The following ZNF385C variants were observed in gnomAD, a reference collection of about 807,000 sequenced individuals.
ZNF385C encodes CTD-2132N18.2.
In ZNF385C, 28 loss-of-function variants were observed where a neutral mutation model predicts 35.4. The ratio of observed to expected loss-of-function variants is 0.79; its 90% confidence interval spans 0.59 to 1.08. The LOEUF is 1.08. Among genes scored for constraint, ZNF385C ranks in the 50% least tolerant of loss-of-function variants. The pLI, the probability that ZNF385C is intolerant of heterozygous loss-of-function variation, is 0.00. For synonymous variants in ZNF385C, 248 were observed against 248.2 expected (o/e 1.00, Z 0.01); for missense variants, 605 against 595.6 (o/e 1.02, Z -0.16).
intron 2 of ZNF385C, among the ~76,000 whole-genome samples, chr17:42,046,160 A>G (rs1555656606): frequency 1.3e-5 from 2 of 152,086 alleles, no homozygotes; most frequent in South Asian, 2.1e-4. Context: ...ATGACACAAT[A>G]TGGTGAATAC....
intron 1 of ZNF385C, among the ~76,000 whole-genome samples, chr17:42,079,848 G>A (rs141223730): frequency 6.6e-6 from 1 of 152,230 alleles, no homozygotes; most frequent in Non-Finnish European, 1.5e-5. Flanking sequence ...AGACAAACAG[G>A]CTTGGGTAGA....
intron 4 of ZNF385C, 109 bp from the exon 5 acceptor site, chr17:42,031,893 C>T: frequency 7.9e-7 from 1 of 1,264,978 alleles, no homozygotes; most frequent in Non-Finnish European, 1.1e-6. Flanking sequence ...GGGCTCAGGT[C>T]ACACAAAGGG....
intron 2 of ZNF385C, among the ~76,000 whole-genome samples, chr17:42,043,881 A>C (rs1244144854): frequency 6.6e-6 from 1 of 152,106 alleles, no homozygotes; most frequent in Non-Finnish European, 1.5e-5. Context: ...TATTTTATAA[A>C]GGGGAAACTG....
chr17:42,045,582 G>A (rs2053141950), intron 2 of ZNF385C, among the ~76,000 whole-genome samples: 1 of 152,200 alleles, frequency 6.6e-6, no homozygotes, highest in South Asian at 2.1e-4. Flanking sequence ...AAGTAGCTGA[G>A]GCTCAATCAG....
chr17:42,028,717 C>T (rs2052656488), intron 6 of ZNF385C, 66 bp downstream of exon 6: 1 of 1,498,894 alleles, frequency 6.7e-7, no homozygotes, highest in South Asian at 1.3e-5. Flanking sequence ...CAAGCCTGCC[C>T]TCATCTGGCG....
intron 1 of ZNF385C, among the ~76,000 whole-genome samples, chr17:42,076,008 C>A (rs1221881515): frequency 6.6e-6 from 1 of 152,158 alleles, no homozygotes; most frequent in Non-Finnish European, 1.5e-5. Context: ...CCTATCCCAG[C>A]CCCCGAGTGA....
chr17:42,069,830 G>A (rs782666959), intron 1 of ZNF385C, among the ~76,000 whole-genome samples: 10 of 151,266 alleles, frequency 6.6e-5, no homozygotes, highest in Non-Finnish European at 1.3e-4. Context: ...ATCACCTGAG[G>A]CTGGGAGTTT....
chr17:42,052,172 G>A (rs1426982243), intron 2 of ZNF385C, among the ~76,000 whole-genome samples: 5 of 152,182 alleles, frequency 3.3e-5, no homozygotes, highest in Non-Finnish European at 5.9e-5. Flanking sequence ...GTATGAGCAA[G>A]CCAGACCAGT....
rs1598208469 is a variant in ZNF385C, at chr17:42,094,636, A to G, written c.-3+3774T>C. ...CAGATGGGGAGCACACAGGAGGCGC[A>G]GGGCCAGACACACTCACAGGCCGAA... On this transcript the variant is annotated intron_variant, in intron 1 of 8. Coordinates refer to ENST00000692273, the MANE Select transcript of ZNF385C (RefSeq NM_001392013.1). Among the ~76,000 whole-genome samples the G allele has an allele frequency of 2.6e-5, 4 of 152,328 alleles. No homozygotes were observed. In the South Asian group the frequency reaches 8.3e-4, roughly 32 times the overall value.
chr17:42,041,243 G>A, intron 2 of ZNF385C: 1 of 1,227,796 alleles, frequency 8.1e-7, no homozygotes, highest in Non-Finnish European at 1.0e-6. Context: ...CTTGTCCTGA[G>A]AGGCGGAGGC....
intron 1 of ZNF385C, among the ~76,000 whole-genome samples, chr17:42,073,930 C>T (rs1051966059): frequency 6.6e-6 from 1 of 150,950 alleles, no homozygotes; most frequent in Non-Finnish European, 1.5e-5. Flanking sequence ...CACGGTGCCA[C>T]CAAGTCTCCT....
At position 42,028,132 on chromosome 17, in the gene ZNF385C, CG is replaced by C; in HGVS notation, c.1081del (p.Arg361GlyfsTer26). The stretch of plus-strand genomic sequence containing the variant: ...AGGGCTGGGCCCCTGCCGGCCGCCC[CG>C]GCCCCCTGTGACTCTCTTGGCTTTG... ...GHKAKRVTGG[R>X]GGRQGPSPAF... On this transcript the variant is annotated frameshift_variant, in exon 7 of 9. Transcript: ENST00000692273. LOFTEE classifies it high-confidence loss of function. 1.9e-6 allele frequency: 3 copies of C among 1,612,682 alleles called. No homozygotes were observed. Among genetic ancestry groups the C allele is most frequent in the Non-Finnish European group, 2.5e-6 (3 of 1,179,536 alleles).
In ZNF385C at chr17:42,028,607, C is replaced by T. The variant is rs181533035; in HGVS notation, c.967+176G>A. 6.5e-5 allele frequency: 53 copies of T among 810,370 alleles called. No homozygotes were observed. In the Middle Eastern group the frequency reaches 1.1e-3, roughly 17 times the overall value. The allele number at this position is 810,370 out of a possible 1,614,324, so 50.2% of individuals were successfully genotyped here. A position where few individuals can be genotyped will look rare whatever the true frequency, so the allele number is the denominator to read the frequency against. ...CCTCAGACTTCTCTTCCCAATTCTC[C>T]TTCCCCAAGGAGTAATGGGAGGACC... On this transcript the variant is annotated intron_variant, in intron 6 of 8. Coordinates refer to ENST00000692273, the MANE Select transcript of ZNF385C (RefSeq NM_001392013.1).
chr17:42,072,095 T>C (rs1419691840), intron 1 of ZNF385C, among the ~76,000 whole-genome samples: 1 of 152,154 alleles, frequency 6.6e-6, no homozygotes, highest in African/African-American at 2.4e-5. Context: ...GAGTACTTTT[T>C]GCACCCCCCA....
rs2052571182 is a variant in ZNF385C, at chr17:42,026,034, G to C, written c.*863C>G. The C allele has an allele frequency of 6.6e-6, 1 of 152,212 alleles. No homozygotes were observed. Among genetic ancestry groups the C allele is most frequent in the South Asian group, 2.1e-4 (1 of 4,816 alleles). 9.4% of individuals were successfully genotyped at this position (152,212 alleles called of 1,614,324 possible). Reference sequence around the variant, plus strand: ...CCAAGAGTTGGGGTTCAGGAAGTCAGAGAAAGGCTAAGAAGAAGAGCTTCT... The same window carrying C: ...CCAAGAGTTGGGGTTCAGGAAGTCACAGAAAGGCTAAGAAGAAGAGCTTCT... On this transcript the variant is annotated 3_prime_UTR_variant, in exon 9 of 9. Transcript: ENST00000692273.
chr17:42,046,147 T>G (rs1232367433), intron 2 of ZNF385C, among the ~76,000 whole-genome samples: 6 of 152,168 alleles, frequency 3.9e-5, no homozygotes, highest in Non-Finnish European at 8.8e-5. Flanking sequence ...TGCGTGAGTC[T>G]TCATGACACA....
At chr17:42,058,518 A>T (rs1422861684) in intron 2 of ZNF385C, among the ~76,000 whole-genome samples, 3 of 152,140 alleles carry the variant, frequency 2.0e-5, no homozygotes, top group Non-Finnish European at 4.4e-5. Flanking sequence ...CTCCACCCTA[A>T]GGGCTCTCTG....
At chr17:42,087,842 A>G (rs2053824825) in intron 1 of ZNF385C, among the ~76,000 whole-genome samples, 1 of 152,192 alleles carries the variant, frequency 6.6e-6, no homozygotes, top group African/African-American at 2.4e-5. Flanking sequence ...ATACCTCCGT[A>G]ATCTATAACC....
At chr17:42,027,234 CT>C in intron 8 of ZNF385C, 101 bp from the exon 9 acceptor site, 3 of 1,111,690 alleles carry the variant, frequency 2.7e-6, no homozygotes, top group Non-Finnish European at 4.0e-6. Context: ...GAAAGCGTGC[CT>C]TTTAGAGTTC....
Sources: gnomAD v4.1 joint callset for allele counts (sites outside exome capture counted in the v4.1 genomes callset) on GRCh38, gnomAD v4.1.1 for gene constraint, MANE v1.5 for transcripts, NCBI Gene and HGNC (gene_info 2026-07-23, HGNC 2026-07-21) for gene names.